Variants in HHAT observed in about 807,000 individuals in gnomAD.
The protein encoded by HHAT is protein-cysteine N-palmitoyltransferase HHAT.
In HHAT, 47 loss-of-function variants were observed where a neutral mutation model predicts 70.8. The ratio of observed to expected loss-of-function variants is 0.66; its 90% CI spans 0.53 to 0.85. HHAT has a LOEUF of 0.85. Among genes scored for constraint, HHAT ranks in the 40% least tolerant of loss-of-function variants. The pLI is 0.00. For missense variants in HHAT, 609 were observed against 604.8 expected, an observed-to-expected ratio of 1.01 and a Z score of -0.07; for synonymous variants, 228 against 247.6, an observed-to-expected ratio of 0.92 and a Z score of 0.74.
intron 7 of HHAT, among the ~76,000 whole-genome samples, chr1:210,448,446 G>GT (rs1572513283): frequency 6.6e-6 from 1 of 152,132 alleles, no homozygotes. Context: ...CAGTCTTAGC[G>GT]TAATAGTTTA....
chr1:210,349,306 C>G (rs1261182644), intron 2 of HHAT, among the ~76,000 whole-genome samples: 1 of 152,094 alleles, frequency 6.6e-6, no homozygotes, highest in Non-Finnish European at 1.5e-5. Context: ...GGGTTTGATT[C>G]AAAAGCTATT....
intron 9 of HHAT, among the ~76,000 whole-genome samples, chr1:210,543,356 T>A (rs1447495164): frequency 6.6e-6 from 1 of 152,116 alleles, no homozygotes. Flanking sequence ...TTTTCTTTTT[T>A]TTTTTCCTTC....
In HHAT at chr1:210,568,253, G is replaced by A. The variant is rs573208225; in HGVS notation, c.1044-19645G>A. Reference sequence around the variant, plus strand: ...AAGGCTCTTGGAGGGTGGTACACCCGGGGAGGGCATGTAAGTTCTGAGCTC... The same window carrying A: ...AAGGCTCTTGGAGGGTGGTACACCCAGGGAGGGCATGTAAGTTCTGAGCTC... On this transcript the variant is annotated intron_variant, in intron 9 of 11. Transcript: ENST00000261458. Among the ~76,000 whole-genome samples the A allele has an allele frequency of 1.8e-4, 28 of 152,050 alleles. No homozygotes were observed. The South Asian group carries it at 3.1e-3, about 17-fold the overall frequency.
At chr1:210,403,123 C>T (rs1302388969) in intron 5 of HHAT, among the ~76,000 whole-genome samples, 1 of 152,134 alleles carries the variant, frequency 6.6e-6, no homozygotes, top group Non-Finnish European at 1.5e-5. Context: ...TGTTTTTAGT[C>T]TACCTTCATT....
chr1:210,365,680 A>G (rs2088878285), intron 3 of HHAT, among the ~76,000 whole-genome samples: 1 of 151,214 alleles, frequency 6.6e-6, no homozygotes, highest in Admixed American at 6.6e-5. Flanking sequence ...CAGTGGCACA[A>G]TCTTGGCTCA....
intron 9 of HHAT, among the ~76,000 whole-genome samples, chr1:210,532,688 A>G (rs532192315): frequency 1.3e-5 from 2 of 152,290 alleles, no homozygotes; most frequent in Admixed American, 6.5e-5. Context: ...CAGAGCTCCT[A>G]CCATATGCAG....
chr1:210,512,173 C>T (rs573827204), intron 8 of HHAT, among the ~76,000 whole-genome samples: 56 of 152,262 alleles, frequency 3.7e-4, no homozygotes, highest in Non-Finnish European at 5.9e-4. Flanking sequence ...CCCCAGCTAG[C>T]GCATGGAGTT....
chr1:210,368,031 G>A (rs6656628), intron 3 of HHAT, among the ~76,000 whole-genome samples: 43,324 of 151,348 alleles, frequency 0.29, 8,362 homozygotes, highest in African/African-American at 0.55. Flanking sequence ...CTTCTTGCTG[G>A]TCTTCTCTCT....
At position 210,490,682 on chromosome 1, in the gene HHAT, C is replaced by G. The variant is rs540427989; in HGVS notation, c.1008-22471C>G. Among the ~76,000 whole-genome samples the G allele has an allele frequency of 6.4e-4, 98 of 152,244 alleles. 1 individual carries two copies. Among genetic ancestry groups the G allele is most frequent in the Admixed American group, 6.4e-3 (98 of 15,298 alleles). On this transcript the variant is annotated intron_variant, in intron 8 of 11. Coordinates refer to ENST00000261458, the MANE Select transcript of HHAT (RefSeq NM_018194.6). ...TTCACAAAGGGAACGAAAGACATAC[C>G]TGCTGACCTGATGGTGGCATCACAC...
intron 9 of HHAT, among the ~76,000 whole-genome samples, chr1:210,526,467 C>A (rs2095251676): frequency 6.6e-6 from 1 of 151,194 alleles, no homozygotes. Context: ...TTAGCTTTGC[C>A]TATGAGCTGC....
chr1:210,644,488 A>C (rs1276679361), intron 11 of HHAT, among the ~76,000 whole-genome samples: 1 of 151,136 alleles, frequency 6.6e-6, no homozygotes, highest in African/African-American at 2.4e-5. Flanking sequence ...CCATAATCTC[A>C]GCTACTTAGG....
chr1:210,450,035 CT>C (rs2093717842), intron 7 of HHAT, among the ~76,000 whole-genome samples: 1 of 152,104 alleles, frequency 6.6e-6, no homozygotes, highest in African/African-American at 2.4e-5. Flanking sequence ...TGGCTCACCC[CT>C]GTTATCCTGC....
At chr1:210,615,844 C>G (rs989452394) in intron 10 of HHAT, among the ~76,000 whole-genome samples, 2 of 152,156 alleles carry the variant, frequency 1.3e-5, no homozygotes, top group African/African-American at 4.8e-5. Context: ...TCAGTCTGCC[C>G]CTACTGGGGG....
At chr1:210,330,111 G>A in intron 1 of HHAT, among the ~76,000 whole-genome samples, 1 of 152,226 alleles carries the variant, frequency 6.6e-6, no homozygotes, top group South Asian at 2.1e-4. Context: ...AATGCAAGGA[G>A]AGGAGAGGGA....
chr1:210,608,765 C>G (rs1666012438), intron 10 of HHAT, among the ~76,000 whole-genome samples: 1 of 152,070 alleles, frequency 6.6e-6, no homozygotes, highest in South Asian at 2.1e-4. Context: ...AGTCAAAGAT[C>G]AAGACACTGG....
chr1:210,569,685 C>T (rs566036145), intron 9 of HHAT, among the ~76,000 whole-genome samples: 1 of 152,020 alleles, frequency 6.6e-6, no homozygotes, highest in East Asian at 1.9e-4. Flanking sequence ...AAATTCAAAC[C>T]ATCTCCTGCT....
chr1:210,393,795 CG>C (rs1320923832), intron 4 of HHAT, among the ~76,000 whole-genome samples: 1 of 152,124 alleles, frequency 6.6e-6, no homozygotes, highest in Non-Finnish European at 1.5e-5. Flanking sequence ...TGGGTGACCA[CG>C]GGTTTGATTT....
chr1:210,588,201 T>A, intron 10 of HHAT, 102 bp downstream of exon 10: 1 of 1,007,304 alleles, frequency 9.9e-7, no homozygotes, highest in South Asian at 1.6e-5. Context: ...CTATGGGCCC[T>A]TTCTACTAGG....
intron 7 of HHAT, among the ~76,000 whole-genome samples, chr1:210,457,939 C>T (rs971769170): frequency 6.6e-6 from 1 of 152,090 alleles, no homozygotes; most frequent in Admixed American, 6.6e-5. Flanking sequence ...CAGACAATAT[C>T]AGCAAGTACA....
Sources: allele counts gnomAD v4.1 joint callset (sites outside exome capture counted in the v4.1 genomes callset), GRCh38; gene constraint gnomAD v4.1.1; transcripts MANE v1.5; gene names NCBI Gene and HGNC (gene_info 2026-07-23, HGNC 2026-07-21).